Variants in SESN2 observed in about 807,000 individuals in gnomAD.
SESN2 encodes sestrin 2.
A neutral mutation model predicts 56.0 loss-of-function variants in SESN2; 42 were observed. That is an observed-to-expected ratio of 0.75 (90% confidence interval 0.59 to 0.97). The LOEUF (loss-of-function observed/expected upper bound fraction) is 0.97, where lower values mean the gene tolerates loss of function less well. Among genes scored for constraint, SESN2 ranks in the 50% least tolerant of loss-of-function variants. The pLI is 0.00. For synonymous variants in SESN2, 264 were observed against 267.1 expected (o/e 0.99, Z 0.11); for missense variants, 507 against 649.4 (o/e 0.78, Z 2.38).
At chr1:28,273,138 T>C (rs1381327614) in intron 5 of SESN2, among the ~76,000 whole-genome samples, 1 of 152,236 alleles carries the variant, frequency 6.6e-6, no homozygotes, top group Non-Finnish European at 1.5e-5. Context: ...ACAGATACTT[T>C]AAAAATTCCT....
intron 1 of SESN2, 141 bp downstream of exon 1, chr1:28,260,078 A>G (rs1046182906): frequency 7.2e-6 from 4 of 554,470 alleles, no homozygotes; most frequent in Non-Finnish European, 1.2e-5. Flanking sequence ...GGTTGCATCA[A>G]CTGGCAGCCG....
At chr1:28,268,317 G>A (rs114524125) in intron 1 of SESN2, among the ~76,000 whole-genome samples, 200 of 152,170 alleles carry the variant, frequency 1.3e-3, no homozygotes, top group African/African-American at 4.5e-3. Context: ...GGAGGCCAAG[G>A]CAGGAGGATC....
chr1:28,274,737 T>A, intron 7 of SESN2, 88 bp from the exon 8 acceptor site: 3 of 1,027,976 alleles, frequency 2.9e-6, no homozygotes, highest in South Asian at 3.0e-5. Flanking sequence ...GGAAGGAGAA[T>A]CATGGAGATC....
At chr1:28,268,114 A>G (rs988231603) in intron 1 of SESN2, among the ~76,000 whole-genome samples, 2 of 152,126 alleles carry the variant, frequency 1.3e-5, no homozygotes, top group Non-Finnish European at 2.9e-5. Context: ...TCGGATTTAT[A>G]TTCAGAAAGT....
At chr1:28,261,815 C>G (rs1043530406) in intron 1 of SESN2, among the ~76,000 whole-genome samples, 4 of 136,828 alleles carry the variant, frequency 2.9e-5, no homozygotes, top group Admixed American at 1.6e-4. Flanking sequence ...GAGTCTTGCT[C>G]TGTTGCCCAG....
At chr1:28,271,653 C>G (rs749545246) in intron 2 of SESN2, 21 bp from the exon 3 acceptor site, 4 of 1,603,470 alleles carry the variant, frequency 2.5e-6, no homozygotes, top group Non-Finnish European at 2.6e-6. Context: ...AACCCATGCT[C>G]TCCTCCCCTT....
intron 8 of SESN2, among the ~76,000 whole-genome samples, chr1:28,275,857 G>A (rs1470094835): frequency 2.6e-5 from 4 of 151,994 alleles, no homozygotes; most frequent in Admixed American, 2.0e-4. Context: ...AGTTCAAGAC[G>A]AGCTTGGGCA....
chr1:28,280,841 A>T lies in SESN2; in HGVS notation c.*39A>T, dbSNP rs756219286. 53 of 1,506,220 alleles carry T rather than the reference A, an allele frequency of 3.5e-5. No homozygotes were observed. The highest frequency in any genetic ancestry group is 4.7e-5 in the Non-Finnish European group (51 of 1,084,464). 93.3% of individuals were successfully genotyped at this position (1,506,220 alleles called of 1,614,324 possible). A position where few individuals can be genotyped will look rare whatever the true frequency, so the allele number is the denominator to read the frequency against. On this transcript the variant is annotated 3_prime_UTR_variant, in exon 10 of 10. Transcript: ENST00000253063. ...CCTGGGCCCGGTTCAGCTCCCCACA[A>T]GGACTTCTCTGTCTGGAGACAGCCC...
Position 28,268,937 on chromosome 1 carries a change from C to T in SESN2, c.91-246C>T, listed in dbSNP as rs1196983872. ...TTCCTTTTCCAGGACCCTCCCATCC[C>T]GCAATGCTGGGATTCTTGGGTCCCA... On this transcript the variant is annotated intron_variant, in intron 1 of 9. Coordinates refer to ENST00000253063, the MANE Select transcript of SESN2 (RefSeq NM_031459.5). Among the ~76,000 whole-genome samples, 9 of 152,282 alleles carry T rather than the reference C, an allele frequency of 5.9e-5. No homozygotes were observed. The Middle Eastern group carries it at 0.01, about 173-fold the overall frequency.
intron 1 of SESN2, among the ~76,000 whole-genome samples, chr1:28,262,639 A>AAAAAC (rs1647417211): frequency 6.7e-6 from 1 of 149,738 alleles, no homozygotes; most frequent in Non-Finnish European, 1.5e-5. Flanking sequence ...AAAAAAAAAA[A>AAAAAC]AAAACCAGGC....
At chr1:28,269,524 G>C (rs983326233) in intron 2 of SESN2, among the ~76,000 whole-genome samples, 7 of 151,586 alleles carry the variant, frequency 4.6e-5, no homozygotes, top group African/African-American at 1.7e-4. Flanking sequence ...TCCTAGATCA[G>C]TGCCTGCTTT....
intron 4 of SESN2, 56 bp from the exon 5 acceptor site, chr1:28,272,525 T>C: frequency 1.2e-6 from 2 of 1,607,900 alleles, no homozygotes; most frequent in Non-Finnish European, 1.7e-6. Context: ...TGGTGCCTGG[T>C]GGGTAACCCA....
rs1327098024 is a variant in SESN2, at chr1:28,276,500, TA to T, written c.1211+1493del. ...CACTAAAAAAATACAAAATAAAATT[TA>T]AAAAAAATTATCCATTATACTATCT... is the stretch of plus-strand genomic sequence containing the variant. On this transcript the variant is annotated intron_variant, in intron 8 of 9. Coordinates refer to ENST00000253063, the MANE Select transcript of SESN2 (RefSeq NM_031459.5). 2.7e-5 allele frequency among the ~76,000 whole-genome samples: 4 copies of T among 149,028 alleles called. 1 individual carries two copies. The highest frequency in any genetic ancestry group is 4.2e-4 in the South Asian group (2 of 4,748).
chr1:28,279,543 G>A (rs1648162525), intron 9 of SESN2, among the ~76,000 whole-genome samples: 1 of 151,768 alleles, frequency 6.6e-6, no homozygotes, highest in Admixed American at 6.6e-5. Context: ...TTATCTCGCT[G>A]AGTTTTTTTG....
At chr1:28,272,556 T>G in intron 4 of SESN2, 25 bp from the exon 5 acceptor site, 1 of 1,613,076 alleles carries the variant, frequency 6.2e-7, no homozygotes, top group East Asian at 2.2e-5. Context: ...TGAGCAGCTC[T>G]GACCTCCCCC....
At chr1:28,265,271 G>A (rs1054255722) in intron 1 of SESN2, among the ~76,000 whole-genome samples, 2 of 152,190 alleles carry the variant, frequency 1.3e-5, no homozygotes, top group African/African-American at 4.8e-5. Context: ...TGCTTCCTCT[G>A]TCAGGATCGG....
At chr1:28,265,093 A>G (rs1489629053) in intron 1 of SESN2, among the ~76,000 whole-genome samples, 1 of 152,192 alleles carries the variant, frequency 6.6e-6, no homozygotes, top group African/African-American at 2.4e-5. Context: ...AAGCCCTAGT[A>G]GTAGCTTCTG....
At chr1:28,278,852 G>A (rs193132002) in intron 8 of SESN2, among the ~76,000 whole-genome samples, 11 of 152,274 alleles carry the variant, frequency 7.2e-5, no homozygotes, top group African/African-American at 2.4e-4. Flanking sequence ...ATTCCACATG[G>A]CACATAGTTG....
Position 28,269,196 on chromosome 1 carries a change from GC to G in SESN2, c.106del (p.Arg36GlyfsTer35). 1 of 1,612,864 alleles carries G rather than the reference GC, an allele frequency of 6.2e-7. No homozygotes were observed. The highest frequency in any genetic ancestry group is 8.5e-7 in the Non-Finnish European group (1 of 1,179,384). On this transcript the variant is annotated frameshift_variant, in exon 2 of 10. Coordinates refer to ENST00000253063, the MANE Select transcript of SESN2 (RefSeq NM_031459.5). LOFTEE classifies it high-confidence loss of function. ...GTTTCCTCCCAGGAGCAGAGGGAGA[GC>G]CGGGCTCGGCGAGGCCCTCGAGGGC... ...DSGPGEEQRE[S>X]RARRGPRGPS... is the part of the protein sequence containing the mutation.
Sources: allele counts gnomAD v4.1 joint callset (sites outside exome capture counted in the v4.1 genomes callset), GRCh38; gene constraint gnomAD v4.1.1; transcripts MANE v1.5; gene names NCBI Gene and HGNC (gene_info 2026-07-23, HGNC 2026-07-21).